PCDHA1: variants seen among roughly 807,000 people sequenced by gnomAD.
The protein encoded by PCDHA1 is protocadherin alpha-1.
A neutral mutation model predicts 61.3 loss-of-function variants in PCDHA1; 42 were observed. The ratio of observed to expected loss-of-function variants is 0.69; its 90% CI spans 0.54 to 0.89. The LOEUF is 0.89. Among genes scored for constraint, PCDHA1 ranks in the 40% least tolerant of loss-of-function variants. The pLI, the probability that PCDHA1 is intolerant of heterozygous loss-of-function variation, is 0.00. For synonymous variants in PCDHA1, 610 were observed against 553.8 expected (o/e 1.10, Z -1.43); for missense variants, 1,256 against 1,235.3 (o/e 1.02, Z -0.25).
chr5:140,805,660 A>C (rs1356388954), intron 1 of PCDHA1: 1 of 845,766 alleles, frequency 1.2e-6, no homozygotes, highest in Non-Finnish European at 1.4e-6. Flanking sequence ...TTCATTCCCC[A>C]TTAATACCCA....
intron 1 of PCDHA1, chr5:140,823,602 G>A (rs1554129473): frequency 1.9e-6 from 3 of 1,613,916 alleles, no homozygotes; most frequent in Admixed American, 1.7e-5. Flanking sequence ...TTTCGTATGA[G>A]CTGCAGCCAG....
At chr5:140,879,329 T>A (rs2057946411) in intron 1 of PCDHA1, among the ~76,000 whole-genome samples, 1 of 152,182 alleles carries the variant, frequency 6.6e-6, no homozygotes, top group Non-Finnish European at 1.5e-5. Context: ...ACTTTTTTAG[T>A]TTGTTCAGCT....
chr5:140,824,252 A>G (rs2150133638), intron 1 of PCDHA1: 1 of 1,373,244 alleles, frequency 7.3e-7, no homozygotes, highest in South Asian at 1.3e-5. Context: ...GTACACAATT[A>G]TTGCACTAAT....
Position 140,834,387 on chromosome 5 carries a change from G to A in PCDHA1, c.2394+45703G>A, listed in dbSNP as rs141534918. The A allele has an allele frequency of 6.3e-5, 99 of 1,583,890 alleles. No homozygotes were observed. Among genetic ancestry groups the A allele is most frequent in the Non-Finnish European group, 8.4e-5 (98 of 1,164,446 alleles). ...AAAAACAAGCCAATAATTTGAAATG[G>A]TGTGCCCGAATGGATACGACCCAGG... On this transcript the variant is annotated intron_variant, in intron 1 of 3. Coordinates refer to ENST00000504120, the MANE Select transcript of PCDHA1 (RefSeq NM_018900.4).
intron 1 of PCDHA1, chr5:140,803,522 C>G: frequency 1.2e-6 from 2 of 1,614,246 alleles, no homozygotes; most frequent in Non-Finnish European, 1.7e-6. Context: ...TTAGCCCTAG[C>G]CTTCCTCCTT....
intron 1 of PCDHA1, among the ~76,000 whole-genome samples, chr5:140,901,039 A>G (rs1317910770): frequency 4.6e-5 from 7 of 152,086 alleles, no homozygotes; most frequent in Non-Finnish European, 8.8e-5. Flanking sequence ...TCTTTTGCCC[A>G]TTTTAAAATT....
chr5:140,835,664 G>C, intron 1 of PCDHA1: 7 of 1,613,934 alleles, frequency 4.3e-6, no homozygotes, highest in Non-Finnish European at 5.9e-6. Flanking sequence ...TGGTTACCGC[G>C]CGGGACGGGG....
At chr5:140,842,956 G>A in intron 1 of PCDHA1, 1 of 1,594,910 alleles carries the variant, frequency 6.3e-7, no homozygotes, top group Non-Finnish European at 8.6e-7. Flanking sequence ...TGCCGCCTCT[G>A]GGCAGCAACG....
intron 1 of PCDHA1, chr5:140,850,334 A>G (rs2041532425): frequency 6.3e-7 from 1 of 1,597,666 alleles, no homozygotes. Context: ...AGCTGCAGCC[A>G]GAAACGGCCA....
intron 1 of PCDHA1, chr5:140,857,748 C>T: frequency 6.3e-7 from 1 of 1,597,386 alleles, no homozygotes; most frequent in Middle Eastern, 1.8e-4. Flanking sequence ...CTGCTGGCGT[C>T]TCCCGCTGGC....
chr5:140,958,468 G>T (rs1554223482), intron 1 of PCDHA1, among the ~76,000 whole-genome samples: 6 of 152,040 alleles, frequency 3.9e-5, no homozygotes, highest in Non-Finnish European at 8.8e-5. Flanking sequence ...ACTTCTGCTG[G>T]CTTAAAGAGC....
At chr5:140,801,555 G>C in intron 1 of PCDHA1, 2 of 1,614,270 alleles carry the variant, frequency 1.2e-6, no homozygotes, top group Non-Finnish European at 1.7e-6. Context: ...TTTCCATGTG[G>C]AGGTGGAAGT....
rs181817860 is a variant in PCDHA1 at position 140,866,905 on chromosome 5, C to T, written c.2394+78221C>T. The T allele has an allele frequency of 1.6e-4, 24 of 152,148 alleles. 1 individual carries two copies. The highest frequency in any genetic ancestry group is 1.4e-3 in the Admixed American group (22 of 15,284). 9.4% of individuals were successfully genotyped at this position (152,148 alleles called of 1,614,324 possible). ...CCTATACCCAGATATTAGGCTGATCCTCAAAGATGAGTTCAAAGGGCGCAT... is the reference window on the plus strand; with the variant it reads ...CCTATACCCAGATATTAGGCTGATCTTCAAAGATGAGTTCAAAGGGCGCAT... On this transcript the variant is annotated intron_variant, in intron 1 of 3. Transcript: ENST00000504120.
At chr5:140,810,319 T>C (rs1233053546) in intron 1 of PCDHA1, 1 of 152,250 alleles carries the variant, frequency 6.6e-6, no homozygotes, top group South Asian at 2.1e-4. Context: ...TTGATGCCCA[T>C]GTACACAGAT....
At chr5:140,793,249 G>A (rs1321081673) in intron 1 of PCDHA1, among the ~76,000 whole-genome samples, 5 of 152,176 alleles carry the variant, frequency 3.3e-5, no homozygotes, top group African/African-American at 1.2e-4. Context: ...TTATAAATGT[G>A]GAGATTATTT....
Position 140,786,145 on chromosome 5 carries a change from T to C in PCDHA1, c.-146T>C. 1 of 992,808 alleles carries C rather than the reference T, an allele frequency of 1.0e-6. No individual in the cohort carries two copies. The highest frequency in any genetic ancestry group is 2.4e-5 in the Admixed American group (1 of 42,210). 61.5% of individuals were successfully genotyped at this position (992,808 alleles called of 1,614,324 possible). On this transcript the variant is annotated 5_prime_UTR_variant, in exon 1 of 4. Transcript: ENST00000504120. ...CTTGTCAATAGAAGGGAGCTACTGA[T>C]CACTAAAAGTGAAGGAGGAAGCTCC...
intron 1 of PCDHA1, chr5:140,862,713 C>CG (rs2153223672): frequency 1.8e-6 from 1 of 561,970 alleles, no homozygotes; most frequent in East Asian, 4.9e-5. Flanking sequence ...AGCGGGTGGG[C>CG]GAGTGCGCGC....
chr5:140,928,973 T>G (rs782178426), intron 1 of PCDHA1: 3 of 1,613,958 alleles, frequency 1.9e-6, no homozygotes, highest in Non-Finnish European at 2.5e-6. Flanking sequence ...ATTTCCTTTT[T>G]ATTTCTGGGG....
intron 1 of PCDHA1, chr5:140,968,552 C>T (rs370640529): frequency 1.2e-6 from 2 of 1,614,184 alleles, no homozygotes; most frequent in Non-Finnish European, 1.7e-6. Flanking sequence ...GATGGTGCCT[C>T]GAACTGCCCC....
Sources: gnomAD v4.1 joint callset for allele counts (sites outside exome capture counted in the v4.1 genomes callset) on GRCh38, gnomAD v4.1.1 for gene constraint, MANE v1.5 for transcripts, NCBI Gene and HGNC (gene_info 2026-07-23, HGNC 2026-07-21) for gene names.